Variants in CHD6 observed in about 807,000 individuals in gnomAD.
CHD6 encodes the protein chromodomain helicase DNA binding protein 6, also known as ATP-dependent chromatin remodeler CHD6.
A neutral mutation model predicts 276.9 loss-of-function variants in CHD6; 50 were observed. The observed-to-expected ratio is 0.18, with a 90% CI of 0.14 to 0.23. The LOEUF (loss-of-function observed/expected upper bound fraction) is 0.23. CHD6 is among the 10% of genes least tolerant of loss of function. The pLI, the probability that CHD6 is intolerant of heterozygous loss-of-function variation, is 1.00. For missense variants in CHD6, 2,564 were observed against 3,365.8 expected, an observed-to-expected ratio of 0.76 and a Z score of 5.89; for synonymous variants, 1,173 against 1,229.3, an observed-to-expected ratio of 0.95 and a Z score of 0.96.
At position 41,462,176 on chromosome 20, in the gene CHD6, G is replaced by A. The variant is rs1008143257; in HGVS notation, c.2665-4748C>T. Among the ~76,000 whole-genome samples the A allele has an allele frequency of 2.0e-5, 3 of 152,164 alleles. No individual in the cohort carries two copies. In the East Asian group the frequency reaches 5.8e-4, roughly 29 times the overall value. On this transcript the variant is annotated intron_variant, in intron 17 of 36. Coordinates refer to ENST00000373233, the MANE Select transcript of CHD6 (RefSeq NM_032221.5). ...GCATATATAAGACAAAATACATCAT[G>A]AGGTCATACTGATATTTTTAGTTCA...
At chr20:41,517,858 T>C (rs2044289372) in intron 3 of CHD6, among the ~76,000 whole-genome samples, 1 of 152,206 alleles carries the variant, frequency 6.6e-6, no homozygotes, top group African/African-American at 2.4e-5. Context: ...TCACAGGGTA[T>C]TACTTTTTCA....
rs369371446 is a variant in CHD6 at position 41,451,125 on chromosome 20, T to C, written c.3524-20A>G. ...ATAAGCCTGAAACAGAAAGACAGCA[T>C]AGGGCAAGTGGATAGCCAAGGGGGG... On this transcript the variant is annotated intron_variant, in intron 22 of 36. Transcript: ENST00000373233. The C allele has an allele frequency of 2.1e-5, 34 of 1,610,438 alleles. No homozygotes were observed. The highest frequency in any genetic ancestry group is 1.2e-4 in the South Asian group (11 of 90,508).
chr20:41,528,107 TC>T (rs1568676999), intron 3 of CHD6, among the ~76,000 whole-genome samples: 1 of 152,218 alleles, frequency 6.6e-6, no homozygotes, highest in Non-Finnish European at 1.5e-5. Context: ...CTATAACAGT[TC>T]CCTAATAAGA....
At chr20:41,587,011 A>T (rs2045602805) in intron 1 of CHD6, among the ~76,000 whole-genome samples, 1 of 152,234 alleles carries the variant, frequency 6.6e-6, no homozygotes, top group African/African-American at 2.4e-5. Context: ...TAAAGAGTAA[A>T]CAGGAAGAAA....
At chr20:41,466,400 CT>C (rs1355546288) in intron 17 of CHD6, among the ~76,000 whole-genome samples, 7 of 152,196 alleles carry the variant, frequency 4.6e-5, no homozygotes, top group Admixed American at 3.9e-4. Flanking sequence ...AGTCTTCATT[CT>C]TTTTTCAAAG....
intron 1 of CHD6, chr20:41,564,124 A>G (rs765463034): frequency 1.3e-6 from 1 of 773,738 alleles, no homozygotes; most frequent in Non-Finnish European, 2.4e-6. Flanking sequence ...CTGGTACAAA[A>G]GCCAATCATA....
At chr20:41,448,094 G>A in intron 23 of CHD6, 123 bp from the exon 24 acceptor site, 1 of 513,940 alleles carries the variant, frequency 1.9e-6, no homozygotes, top group South Asian at 3.7e-5. Flanking sequence ...TGAAGTAATA[G>A]AAGAGAAGGC....
At chr20:41,520,307 A>T (rs552886036) in intron 3 of CHD6, among the ~76,000 whole-genome samples, 1 of 152,312 alleles carries the variant, frequency 6.6e-6, no homozygotes, top group Admixed American at 6.5e-5. Flanking sequence ...TTGACCCAGC[A>T]ATCCCATTAC....
intron 3 of CHD6, among the ~76,000 whole-genome samples, chr20:41,522,650 G>A (rs561261816): frequency 4.0e-4 from 60 of 151,836 alleles, no homozygotes; most frequent in Non-Finnish European, 7.5e-4. Flanking sequence ...ATGCGCGCAC[G>A]CGTGCGCGCA....
chr20:41,451,753 C>A, intron 22 of CHD6, 73 bp downstream of exon 22: 1 of 1,317,726 alleles, frequency 7.6e-7, no homozygotes, highest in African/African-American at 1.4e-5. Flanking sequence ...CACAGCAATA[C>A]GGCCCCGCAG....
intron 20 of CHD6, among the ~76,000 whole-genome samples, chr20:41,453,376 C>A (rs2048298392): frequency 1.3e-5 from 2 of 152,036 alleles, no homozygotes. Flanking sequence ...TTTCTGAAGA[C>A]AAACGCATAT....
chr20:41,593,206 G>GCA (rs1458901797), intron 1 of CHD6, among the ~76,000 whole-genome samples: 56 of 150,908 alleles, frequency 3.7e-4, no homozygotes, highest in African/African-American at 1.3e-3. Flanking sequence ...TCAAAAAGGG[G>GCA]GGGGGGGGTT....
At chr20:41,437,044 A>G (rs1315861812) in intron 27 of CHD6, among the ~76,000 whole-genome samples, 1 of 152,212 alleles carries the variant, frequency 6.6e-6, no homozygotes, top group Non-Finnish European at 1.5e-5. Flanking sequence ...TTTCTGTATT[A>G]TATTTTGTGA....
At position 41,403,864 on chromosome 20, in the gene CHD6, G is replaced by A; in HGVS notation, c.*729C>T. On this transcript the variant is annotated 3_prime_UTR_variant, in exon 37 of 37. Transcript: ENST00000373233. ...CCGTCGACAGCAATAACTCATGGTG[G>A]GTAAAGCTTTCTCGCAGCAAGAGGA... The A allele has an allele frequency of 9.5e-7, 1 of 1,057,334 alleles. No individual in the cohort carries two copies. The highest frequency in any genetic ancestry group is 1.1e-6 in the Non-Finnish European group (1 of 874,280). The allele number at this position is 1,057,334 out of a possible 1,614,324, so 65.5% of individuals were successfully genotyped here.
In CHD6 at chr20:41,532,548, T is replaced by C. The variant is rs531116378; in HGVS notation, c.554+502A>G. On this transcript the variant is annotated intron_variant, in intron 3 of 36. Transcript: ENST00000373233. ...CCCTTACACCCTGTGCATGTTAACA[T>C]TTTAATTCTTTTTAGTCCAAAAGGA... Among the ~76,000 whole-genome samples the C allele has an allele frequency of 5.9e-5, 9 of 152,356 alleles. No homozygotes were observed. The South Asian group carries it at 8.3e-4, about 14-fold the overall frequency.
chr20:41,487,545 T>TA (rs1349741079), intron 14 of CHD6, 120 bp downstream of exon 14: 1 of 931,468 alleles, frequency 1.1e-6, no homozygotes, highest in East Asian at 2.5e-5. Flanking sequence ...ATAAAGGAGG[T>TA]AACGCTCATT....
intron 3 of CHD6, among the ~76,000 whole-genome samples, chr20:41,515,317 G>C (rs879569079): frequency 6.6e-5 from 10 of 152,158 alleles, no homozygotes; most frequent in Non-Finnish European, 2.9e-5. Flanking sequence ...TTCTTAGGAA[G>C]AGACATCTCC....
chr20:41,416,243 G>C (rs2046992144), intron 33 of CHD6, among the ~76,000 whole-genome samples: 1 of 152,114 alleles, frequency 6.6e-6, no homozygotes, highest in Non-Finnish European at 1.5e-5. Flanking sequence ...TTAGTCATGG[G>C]GTCATCTTTG....
intron 1 of CHD6, among the ~76,000 whole-genome samples, chr20:41,569,312 T>G (rs1363929677): frequency 6.6e-6 from 1 of 151,430 alleles, no homozygotes; most frequent in African/African-American, 2.4e-5. Context: ...CAAAAATCTG[T>G]TAACACCATC....
Sources: allele counts gnomAD v4.1 joint callset (sites outside exome capture counted in the v4.1 genomes callset), GRCh38; gene constraint gnomAD v4.1.1; transcripts MANE v1.5; gene names NCBI Gene and HGNC (gene_info 2026-07-23, HGNC 2026-07-21).